Variants in PLXNA4 observed in about 807,000 individuals in gnomAD.
The protein encoded by PLXNA4 is plexin-A4.
A neutral mutation model predicts 191.8 loss-of-function variants in PLXNA4; 44 were observed. The observed-to-expected ratio is 0.23, with a 90% CI of 0.18 to 0.29. The LOEUF (loss-of-function observed/expected upper bound fraction) is 0.29, where lower values mean the gene tolerates loss of function less well. Among genes scored for constraint, PLXNA4 ranks in the 10% least tolerant of loss-of-function variants. PLXNA4 has a pLI of 1.00. For synonymous variants in PLXNA4, 1,082 were observed against 1,009.5 expected, an observed-to-expected ratio of 1.07 and a Z score of -1.36; for missense variants, 1,800 against 2,488.8, an observed-to-expected ratio of 0.72 and a Z score of 5.89.
chr7:132,231,423 GT>G (rs1187266602), intron 5 of PLXNA4, among the ~76,000 whole-genome samples: 1 of 152,110 alleles, frequency 6.6e-6, no homozygotes, highest in Non-Finnish European at 1.5e-5. Context: ...TAGAATGAGT[GT>G]TTTTTATTTT....
intron 3 of PLXNA4, among the ~76,000 whole-genome samples, chr7:132,307,268 C>T (rs981169410): frequency 9.2e-5 from 14 of 152,156 alleles, no homozygotes; most frequent in Admixed American, 1.3e-4. Flanking sequence ...CCTGGATTTC[C>T]AATCCCCTCT....
chr7:132,154,682 CCAGA>C (rs149119544), intron 25 of PLXNA4, among the ~76,000 whole-genome samples: 4,204 of 152,218 alleles, frequency 0.028, 77 homozygotes, highest in Non-Finnish European at 0.044. Context: ...TGGCATGGCT[CCAGA>C]CAGTGTGGTG....
intron 2 of PLXNA4, among the ~76,000 whole-genome samples, chr7:132,594,193 A>G (rs1802657633): frequency 6.6e-6 from 1 of 152,246 alleles, no homozygotes; most frequent in African/African-American, 2.4e-5. Context: ...CTGGAGGAGC[A>G]TGGGAGCCTA....
At position 132,576,340 on chromosome 7, in the gene PLXNA4, CTCCCGGG is replaced by C; in HGVS notation, c.-87+75_-87+81del. ...CGGGCTGGCTCCGGGACACTGAGGA[CTCCCGGG>C]TCGGCCCAGGTCTGTCCGACCTTGC... On this transcript the variant is annotated intron_variant, in intron 1 of 31. Transcript: ENST00000321063. This position sits in a 1 kb window ranked among gnomAD's most constrained non-coding sequence, Gnocchi z 5.8. The C allele has an allele frequency of 1.0e-6, 1 of 967,232 alleles. No individual in the cohort carries two copies. The highest frequency in any genetic ancestry group is 1.2e-6 in the Non-Finnish European group (1 of 813,444). The allele number at this position is 967,232 out of a possible 1,614,324, so 59.9% of individuals were successfully genotyped here. A position where few individuals can be genotyped will look rare whatever the true frequency, so the allele number is the denominator to read the frequency against.
chr7:132,293,093 G>A (rs1196732888), intron 4 of PLXNA4, among the ~76,000 whole-genome samples: 2 of 152,266 alleles, frequency 1.3e-5, no homozygotes, highest in East Asian at 1.9e-4. Context: ...TGGGGCCAAG[G>A]GACCATGCCA....
At chr7:132,305,654 T>G (rs1207845186) in intron 3 of PLXNA4, among the ~76,000 whole-genome samples, 1 of 152,224 alleles carries the variant, frequency 6.6e-6, no homozygotes, top group Admixed American at 6.5e-5. Flanking sequence ...GCTGCTTGTT[T>G]GTTTATTGGA....
intron 12 of PLXNA4, 113 bp downstream of exon 12, chr7:132,202,533 C>T (rs1189655643): frequency 8.8e-7 from 1 of 1,132,324 alleles, no homozygotes; most frequent in Non-Finnish European, 1.2e-6. Context: ...GCAACCAAGT[C>T]CACCCAGTGA....
intron 4 of PLXNA4, among the ~76,000 whole-genome samples, chr7:132,269,346 C>A (rs1036801270): frequency 6.6e-6 from 1 of 152,154 alleles, no homozygotes; most frequent in African/African-American, 2.4e-5. Flanking sequence ...AGAAAGAGGT[C>A]CTATAGACCC....
At chr7:132,152,419 A>T (rs1285276388) in intron 25 of PLXNA4, among the ~76,000 whole-genome samples, 1 of 152,158 alleles carries the variant, frequency 6.6e-6, no homozygotes, top group Non-Finnish European at 1.5e-5. Context: ...GCCCTCTGTG[A>T]GGGCGGTATC....
chr7:132,453,832 G>C (rs937913470), intron 3 of PLXNA4, among the ~76,000 whole-genome samples: 2 of 152,134 alleles, frequency 1.3e-5, no homozygotes, highest in Non-Finnish European at 2.9e-5. Flanking sequence ...GAGCCACCGC[G>C]CCCAGCCAAT....
chr7:132,260,492 C>A (rs1222321565), intron 4 of PLXNA4, among the ~76,000 whole-genome samples: 4 of 151,958 alleles, frequency 2.6e-5, no homozygotes, highest in African/African-American at 4.8e-5. Flanking sequence ...AAGACGGGAA[C>A]AACAGACGCC....
At chr7:132,244,336 T>G (rs1450654293) in intron 4 of PLXNA4, among the ~76,000 whole-genome samples, 2 of 152,218 alleles carry the variant, frequency 1.3e-5, no homozygotes, top group Non-Finnish European at 2.9e-5. Flanking sequence ...TTCATGGACA[T>G]GTATAACAAT....
chr7:132,356,485 T>G (rs1184219160), intron 3 of PLXNA4, among the ~76,000 whole-genome samples: 1 of 152,170 alleles, frequency 6.6e-6, no homozygotes, highest in Non-Finnish European at 1.5e-5. Flanking sequence ...ATATTCTCAC[T>G]CCTGTGCTGA....
chr7:132,366,349 C>A (rs1804184573), intron 3 of PLXNA4, among the ~76,000 whole-genome samples: 1 of 152,064 alleles, frequency 6.6e-6, no homozygotes, highest in Non-Finnish European at 1.5e-5. Context: ...CATGGTGAAA[C>A]CCCATCTCTA....
intron 10 of PLXNA4, among the ~76,000 whole-genome samples, chr7:132,209,113 A>G (rs1232893844): frequency 2.0e-5 from 3 of 152,272 alleles, no homozygotes; most frequent in Admixed American, 6.5e-5. Flanking sequence ...CAAGAGGTTT[A>G]GAAGACTAAC....
intron 5 of PLXNA4, among the ~76,000 whole-genome samples, chr7:132,237,218 C>T (rs1042879534): frequency 3.9e-5 from 6 of 152,060 alleles, no homozygotes; most frequent in African/African-American, 7.2e-5. Context: ...TATCCAGGAC[C>T]GGATTTTAGA....
chr7:132,448,758 A>G (rs952626070), intron 3 of PLXNA4, among the ~76,000 whole-genome samples: 4 of 152,260 alleles, frequency 2.6e-5, no homozygotes, highest in African/African-American at 9.6e-5. Flanking sequence ...CTCAGAAGCC[A>G]TGAGTCAGAG....
rs1794687558 is a variant in PLXNA4 at position 132,123,365 on chromosome 7, C to CTT, written c.*7112_*7113dup. 6.6e-6 allele frequency: 1 copy of CTT among 152,062 alleles called. No individual in the cohort carries two copies. The highest frequency in any genetic ancestry group is 6.6e-5 in the Admixed American group (1 of 15,266). 9.4% of individuals were successfully genotyped at this position (152,062 alleles called of 1,614,324 possible). On this transcript the variant is annotated 3_prime_UTR_variant, in exon 32 of 32. Transcript: ENST00000321063. ...TGCATTTTTATTATTTTTTAATAAA[C>CTT]TTTATTCTATATTACAAATAAGTTT...
At chr7:132,485,969 C>T (rs963732291) in intron 3 of PLXNA4, among the ~76,000 whole-genome samples, 1 of 152,134 alleles carries the variant, frequency 6.6e-6, no homozygotes, top group African/African-American at 2.4e-5. Context: ...GAGCAGCCCA[C>T]GGATAGCTCG....
Sources: allele counts gnomAD v4.1 joint callset (sites outside exome capture counted in the v4.1 genomes callset), GRCh38; gene constraint gnomAD v4.1.1; non-coding constraint Gnocchi (gnomAD v3.1); transcripts MANE v1.5; gene names NCBI Gene and HGNC (gene_info 2026-07-23, HGNC 2026-07-21).